Variants in CYTH4 observed in about 807,000 individuals in gnomAD.
The protein encoded by CYTH4 is cytohesin 4, also known as cytohesin-4.
Under a neutral mutation model 57.5 loss-of-function variants are expected in CYTH4, and 22 were observed. The observed-to-expected ratio is 0.38, with a 90% CI of 0.27 to 0.55. The LOEUF (loss-of-function observed/expected upper bound fraction) is 0.55, where lower values mean the gene tolerates loss of function less well. Among genes scored for constraint, CYTH4 ranks in the 20% least tolerant of loss-of-function variants. CYTH4 has a pLI of 0.74. For missense variants in CYTH4, 420 were observed against 535.6 expected (o/e 0.78, Z 2.13); for synonymous variants, 186 against 206.5 (o/e 0.90, Z 0.85).
At chr22:37,312,347 C>T (rs187877148) in intron 12 of CYTH4, among the ~76,000 whole-genome samples, 173 bp downstream of exon 12, 1,877 of 152,356 alleles carry the variant, frequency 0.012, 15 homozygotes, top group Middle Eastern at 0.024. Flanking sequence ...GTGCCTGGCA[C>T]CAGGCCAGGC....
At chr22:37,313,378 G>A in intron 12 of CYTH4, 61 bp from the exon 13 acceptor site, 1 of 1,541,316 alleles carries the variant, frequency 6.5e-7, no homozygotes, top group East Asian at 2.2e-5. Flanking sequence ...ACAAGCCCTG[G>A]GAGAGCAGAC....
At chr22:37,299,115 A>C (rs1370797179) in intron 5 of CYTH4, 111 bp from the exon 6 acceptor site, 8 of 759,588 alleles carry the variant, frequency 1.1e-5, no homozygotes, top group Admixed American at 2.0e-5. Context: ...GCTGGACCCC[A>C]GAAGGACAGA....
chr22:37,297,317 G>T (rs1054408214), intron 4 of CYTH4, among the ~76,000 whole-genome samples: 4 of 152,150 alleles, frequency 2.6e-5, no homozygotes, highest in African/African-American at 9.7e-5. Flanking sequence ...ACCCTGGGGA[G>T]TACCTGGCAT....
Position 37,311,053 on chromosome 22 carries a change from G to A in CYTH4, c.874G>A (p.Glu292Lys), listed in dbSNP as rs766992258. ...ILTDNCLYYF[E>K]FTTDKEPRGI... Reference sequence around the variant, plus strand: ...GACCGACAACTGCCTCTACTACTTCGAGTTCACCACTGTGAGCAGGGTTCT... The same window carrying A: ...GACCGACAACTGCCTCTACTACTTCAAGTTCACCACTGTGAGCAGGGTTCT... Residue 292 changes from glutamate (E) to lysine (K), a missense_variant, in exon 10 of 13, where the codon GAG becomes AAG. Glu to Lys is a moderately conservative substitution (Grantham distance 56, BLOSUM62 1). Transcript: ENST00000248901. The surrounding 1 kb of genome is among the most constrained non-coding windows in gnomAD (Gnocchi z 4.4). The A allele has an allele frequency of 9.3e-6, 15 of 1,614,166 alleles. 1 individual carries two copies. The highest frequency in any genetic ancestry group is 1.1e-5 in the South Asian group (1 of 91,078).
Position 37,312,288 on chromosome 22 carries a change from T to A in CYTH4, c.1112+114T>A, listed in dbSNP as rs987381169. 9.1e-6 allele frequency: 13 copies of A among 1,424,638 alleles called. No individual in the cohort carries two copies. The African/African-American group carries it at 1.4e-4, about 16-fold the overall frequency. The allele number at this position is 1,424,638 out of a possible 1,614,324, so 88.2% of individuals were successfully genotyped here. A position where few individuals can be genotyped will look rare whatever the true frequency, so the allele number is the denominator to read the frequency against. On this transcript the variant is annotated intron_variant, in intron 12 of 12. Coordinates refer to ENST00000248901, the MANE Select transcript of CYTH4 (RefSeq NM_013385.5). Reference sequence around the variant, plus strand: ...GGCTAACTCCAGTCTCTCCCTCCTGTTTCTGGCTGGCAAACCCCTTCCACC... The same window carrying A: ...GGCTAACTCCAGTCTCTCCCTCCTGATTCTGGCTGGCAAACCCCTTCCACC...
At chr22:37,299,896 C>G (rs945242597) in intron 6 of CYTH4, among the ~76,000 whole-genome samples, 1 of 152,158 alleles carries the variant, frequency 6.6e-6, no homozygotes, top group Non-Finnish European at 1.5e-5. Context: ...GAGGCTGAGG[C>G]AGGAGAATCA....
rs3213556 is a variant in CYTH4, at chr22:37,282,510, A to T, written c.-60A>T. Reference sequence around the variant, plus strand: ...ACGCATCCTTGCCGGGCCAGCCCGAACAGCAGCTGGGTCGGCAAGCGACAG... The same window carrying T: ...ACGCATCCTTGCCGGGCCAGCCCGATCAGCAGCTGGGTCGGCAAGCGACAG... On this transcript the variant is annotated 5_prime_UTR_variant, in exon 1 of 13. Transcript: ENST00000248901. 6.2e-7 allele frequency: 1 copy of T among 1,611,306 alleles called. No individual in the cohort carries two copies. Among genetic ancestry groups the T allele is most frequent in the Non-Finnish European group, 8.5e-7 (1 of 1,178,978 alleles).
rs1929627288 is a variant in CYTH4 at position 37,311,183 on chromosome 22, C to G, written c.885+119C>G. 1.7e-6 allele frequency: 2 copies of G among 1,146,612 alleles called. No individual in the cohort carries two copies. The highest frequency in any genetic ancestry group is 1.5e-5 in the African/African-American group (1 of 65,718). The allele number at this position is 1,146,612 out of a possible 1,614,324, so 71.0% of individuals were successfully genotyped here. A position where few individuals can be genotyped will look rare whatever the true frequency, so the allele number is the denominator to read the frequency against. On this transcript the variant is annotated intron_variant, in intron 10 of 12. Coordinates refer to ENST00000248901, the MANE Select transcript of CYTH4 (RefSeq NM_013385.5). This position sits in a 1 kb window ranked among gnomAD's most constrained non-coding sequence, Gnocchi z 4.4. ...TGGATCCTTTGAGATCATTCAGTCC[C>G]CCTCCATGCCCATTTTACAGATGGG...
chr22:37,285,921 G>T lies in CYTH4; in HGVS notation c.19+3333G>T, dbSNP rs61092972. Among the ~76,000 whole-genome samples, 98 of 152,254 alleles carry T rather than the reference G, an allele frequency of 6.4e-4. 2 individuals carry two copies. The East Asian group carries it at 0.019, about 29-fold the overall frequency. ...ACCAGTTGCCACCTATTCGGGACAG[G>T]ACCCCCGTCAGAAGGGGACAGGGGA... On this transcript the variant is annotated intron_variant, in intron 1 of 12. Coordinates refer to ENST00000248901, the MANE Select transcript of CYTH4 (RefSeq NM_013385.5).
chr22:37,307,122 C>T (rs1303133472), intron 8 of CYTH4, among the ~76,000 whole-genome samples: 1 of 152,212 alleles, frequency 6.6e-6, no homozygotes, highest in African/African-American at 2.4e-5. Context: ...TGCACATCCA[C>T]CCAGCCAGGA....
intron 1 of CYTH4, among the ~76,000 whole-genome samples, chr22:37,288,521 G>A (rs1309932917): frequency 6.6e-6 from 1 of 152,152 alleles, no homozygotes; most frequent in African/African-American, 2.4e-5. Context: ...GGGAGGCAGA[G>A]GTTGCAGTGA....
At chr22:37,313,128 C>T (rs529468552) in intron 12 of CYTH4, among the ~76,000 whole-genome samples, 153 of 152,366 alleles carry the variant, frequency 1.0e-3, no homozygotes, top group African/African-American at 3.4e-3. Flanking sequence ...AAGCTCTTCC[C>T]ATCACCTTCC....
Position 37,311,285 on chromosome 22 carries a change from C to T in CYTH4, c.886-171C>T, listed in dbSNP as rs1006426304. Among the ~76,000 whole-genome samples, 1 of 152,234 alleles carries T rather than the reference C, an allele frequency of 6.6e-6. No homozygotes were observed. Among genetic ancestry groups the T allele is most frequent in the Non-Finnish European group, 1.5e-5 (1 of 68,034 alleles). On this transcript the variant is annotated intron_variant, in intron 10 of 12. Coordinates refer to ENST00000248901, the MANE Select transcript of CYTH4 (RefSeq NM_013385.5). This position sits in a 1 kb window ranked among gnomAD's most constrained non-coding sequence, Gnocchi z 4.4. ...GCTTAAAGCTGGGCCTCCTAAGTTCCGGCCAGAGGTCTTCACATGCTGCTT... is the reference window on the plus strand; with the variant it reads ...GCTTAAAGCTGGGCCTCCTAAGTTCTGGCCAGAGGTCTTCACATGCTGCTT...
Position 37,311,416 on chromosome 22 carries a change from C to T in CYTH4, c.886-40C>T, listed in dbSNP as rs1468825806. 1 of 1,579,808 alleles carries T rather than the reference C, an allele frequency of 6.3e-7. No individual in the cohort carries two copies. Among genetic ancestry groups the T allele is most frequent in the Admixed American group, 1.7e-5 (1 of 59,896 alleles). On this transcript the variant is annotated intron_variant, in intron 10 of 12. Coordinates refer to ENST00000248901, the MANE Select transcript of CYTH4 (RefSeq NM_013385.5). This position sits in a 1 kb window ranked among gnomAD's most constrained non-coding sequence, Gnocchi z 4.4. Reference sequence around the variant, plus strand: ...ACACCCTGCCTTGGGCCTCAGGGTTCCGCTTCCTGACCCTGACCTTCCTTC... The same window carrying T: ...ACACCCTGCCTTGGGCCTCAGGGTTTCGCTTCCTGACCCTGACCTTCCTTC...
intron 8 of CYTH4, among the ~76,000 whole-genome samples, chr22:37,307,565 C>A (rs1413140522): frequency 6.6e-6 from 1 of 152,208 alleles, no homozygotes; most frequent in Non-Finnish European, 1.5e-5. Flanking sequence ...ACTCTGGACC[C>A]CTGAGCTCTG....
intron 6 of CYTH4, chr22:37,300,119 G>C (rs1929126076): frequency 1.4e-6 from 1 of 717,470 alleles, no homozygotes; most frequent in African/African-American, 1.7e-5. Context: ...CACAGTGAGT[G>C]CTTAGTAAGT....
chr22:37,312,233 T>C, intron 12 of CYTH4, 59 bp downstream of exon 12: 1 of 1,593,308 alleles, frequency 6.3e-7, no homozygotes, highest in Non-Finnish European at 8.6e-7. Flanking sequence ...GCCCTGCTTC[T>C]TTTGGGTCTT....
intron 12 of CYTH4, 76 bp downstream of exon 12, chr22:37,312,250 T>C (rs1018388633): frequency 3.8e-6 from 6 of 1,572,438 alleles, no homozygotes; most frequent in Non-Finnish European, 5.2e-6. Context: ...TCTTGCTTCC[T>C]TATCTGTAAA....
intron 7 of CYTH4, among the ~76,000 whole-genome samples, chr22:37,301,424 G>T (rs1339176177): frequency 1.3e-5 from 2 of 152,064 alleles, no homozygotes; most frequent in African/African-American, 4.8e-5. Flanking sequence ...TGGAACAAAG[G>T]CCCAGAAACA....
Sources: gnomAD v4.1 joint callset for allele counts (sites outside exome capture counted in the v4.1 genomes callset) on GRCh38, gnomAD v4.1.1 for gene constraint, Gnocchi (gnomAD v3.1) non-coding constraint, MANE v1.5 for transcripts, NCBI Gene and HGNC (gene_info 2026-07-23, HGNC 2026-07-21) for gene names.